The following HSD17B13 variants were observed in gnomAD, a reference collection of about 807,000 sequenced individuals.
HSD17B13 encodes 17-beta-hydroxysteroid dehydrogenase 13.
In HSD17B13, 26 loss-of-function variants were observed where a neutral mutation model predicts 31.1. The observed-to-expected ratio is 0.84, with a 90% CI of 0.61 to 1.16. The LOEUF is 1.16. Among genes scored for constraint, HSD17B13 ranks in the 50% most tolerant of loss-of-function variants. The probability of loss-of-function intolerance (pLI) is 0.00; values close to 1 mark genes in which losing one functional copy is unlikely to be tolerated. For missense variants in HSD17B13, 374 were observed against 366.5 expected (o/e 1.02, Z -0.17); for synonymous variants, 141 against 133.7 (o/e 1.05, Z -0.38).
intron 6 of HSD17B13, among the ~76,000 whole-genome samples, chr4:87,305,670 G>A (rs941082241): frequency 3.3e-5 from 5 of 151,968 alleles, no homozygotes; most frequent in South Asian, 2.1e-4. Context: ...CCGAGATCAC[G>A]CCATTGCACT....
At position 87,315,600 on chromosome 4, in the gene HSD17B13, C is replaced by T; in HGVS notation, c.451-1G>A. ...TCGATGGAAGAAGTGCTTTTGTGAT[C>T]TTAAGGATCATTGCAGAAAGAAGAA... On this transcript the variant is annotated splice_acceptor_variant, in intron 3 of 6. Coordinates refer to ENST00000328546, the MANE Select transcript of HSD17B13 (RefSeq NM_178135.5). LOFTEE classifies it high-confidence loss of function. The T allele has an allele frequency of 6.4e-7, 1 of 1,574,142 alleles. No individual in the cohort carries two copies. Among genetic ancestry groups the T allele is most frequent in the Non-Finnish European group, 8.7e-7 (1 of 1,148,022 alleles).
At chr4:87,314,381 ATT>A in intron 4 of HSD17B13, among the ~76,000 whole-genome samples, 1 of 151,902 alleles carries the variant, frequency 6.6e-6, no homozygotes. Flanking sequence ...GACTCTGCTC[ATT>A]TCTCCTCTCT....
intron 5 of HSD17B13, among the ~76,000 whole-genome samples, chr4:87,312,553 G>C (rs1256773532): frequency 8.4e-6 from 1 of 118,936 alleles, no homozygotes; most frequent in East Asian, 2.4e-4. Flanking sequence ...TTTTTGAGAC[G>C]GAGTCTCGCT....
At chr4:87,322,605 T>C in intron 1 of HSD17B13, 27 bp downstream of exon 1, 1 of 1,459,192 alleles carries the variant, frequency 6.9e-7, no homozygotes, top group Non-Finnish European at 9.6e-7. Context: ...TCTGTGACTT[T>C]AAAAAGTTGG....
At chr4:87,321,595 A>G (rs1734788160) in intron 1 of HSD17B13, among the ~76,000 whole-genome samples, 1 of 152,202 alleles carries the variant, frequency 6.6e-6, no homozygotes, top group South Asian at 2.1e-4. Flanking sequence ...GAATTTCTTC[A>G]AAGACCAAAA....
chr4:87,321,249 T>G (rs543451923), intron 1 of HSD17B13, among the ~76,000 whole-genome samples: 11 of 152,276 alleles, frequency 7.2e-5, no homozygotes, highest in Admixed American at 6.5e-4. Context: ...CAGGCTGGTC[T>G]TGAACTCCTG....
chr4:87,318,240 C>T (rs1734699545), intron 2 of HSD17B13, 89 bp downstream of exon 2: 1 of 941,086 alleles, frequency 1.1e-6, no homozygotes, highest in Non-Finnish European at 1.7e-6. Context: ...CAATTTAAAT[C>T]AGGCAGTCAT....
chr4:87,305,870 C>T (rs758020159), intron 6 of HSD17B13, among the ~76,000 whole-genome samples: 1 of 152,170 alleles, frequency 6.6e-6, no homozygotes, highest in Admixed American at 6.5e-5. Flanking sequence ...GTTCTGATTA[C>T]AGCATCAAGA....
chr4:87,310,579 T>C (rs1734509127), intron 5 of HSD17B13, among the ~76,000 whole-genome samples: 1 of 152,180 alleles, frequency 6.6e-6, no homozygotes, highest in African/African-American at 2.4e-5. Context: ...AGTAGGTGTG[T>C]TTCATAGCTC....
At chr4:87,320,521 G>A (rs186893321) in intron 1 of HSD17B13, among the ~76,000 whole-genome samples, 5,211 of 151,100 alleles carry the variant, frequency 0.034, 321 homozygotes, top group African/African-American at 0.12. Context: ...CGAGTAGCTG[G>A]GACTACAGGC....
At chr4:87,321,038 T>A (rs541641564) in intron 1 of HSD17B13, among the ~76,000 whole-genome samples, 1 of 152,322 alleles carries the variant, frequency 6.6e-6, no homozygotes, top group South Asian at 2.1e-4. Flanking sequence ...AGTCTTTTTT[T>A]ATTTTTTTTG....
intron 1 of HSD17B13, among the ~76,000 whole-genome samples, chr4:87,321,367 T>C (rs192619472): frequency 2.0e-5 from 3 of 152,218 alleles, no homozygotes; most frequent in Admixed American, 2.0e-4. Context: ...TCTAATTTAC[T>C]TTTCTCTTGT....
At position 87,313,807 on chromosome 4, in the gene HSD17B13, T is replaced by A. The variant is rs1473760233; in HGVS notation, c.695+16A>T. ...TATCATACCACATACCCATTCTAAC[T>A]TGATTTTGACCTTACCTTGTGCTTG... is the stretch of plus-strand genomic sequence containing the variant. On this transcript the variant is annotated intron_variant, in intron 5 of 6. Coordinates refer to ENST00000328546, the MANE Select transcript of HSD17B13 (RefSeq NM_178135.5). 1 of 1,608,210 alleles carries A rather than the reference T, an allele frequency of 6.2e-7. No homozygotes were observed. Among genetic ancestry groups the A allele is most frequent in the Non-Finnish European group, 8.5e-7 (1 of 1,176,694 alleles).
chr4:87,308,078 G>A (rs1157272871), intron 6 of HSD17B13, among the ~76,000 whole-genome samples: 2 of 152,180 alleles, frequency 1.3e-5, no homozygotes, highest in African/African-American at 2.4e-5. Flanking sequence ...TTTCCTCTGG[G>A]AAATTGTTGC....
At chr4:87,319,031 A>C (rs1734722535) in intron 1 of HSD17B13, among the ~76,000 whole-genome samples, 1 of 151,756 alleles carries the variant, frequency 6.6e-6, no homozygotes, top group African/African-American at 2.4e-5. Context: ...AAATACAAAA[A>C]ATTAGCTGGG....
Position 87,304,982 on chromosome 4 carries a change from A to G in HSD17B13, c.*236T>C, listed in dbSNP as rs1486529743. ...AAAACCTTTTAAGTATGTTTATGTA[A>G]GCACAGAAGTTTTTAAGAGGCATGA... On this transcript the variant is annotated 3_prime_UTR_variant, in exon 7 of 7. Coordinates refer to ENST00000328546, the MANE Select transcript of HSD17B13 (RefSeq NM_178135.5). 5.3e-6 allele frequency: 2 copies of G among 374,312 alleles called. No individual in the cohort carries two copies. The allele number at this position is 374,312 out of a possible 1,614,324, so 23.2% of individuals were successfully genotyped here.
chr4:87,306,529 G>A (rs759442432), intron 6 of HSD17B13, among the ~76,000 whole-genome samples: 5 of 152,124 alleles, frequency 3.3e-5, no homozygotes, highest in Non-Finnish European at 7.4e-5. Context: ...CTGGAAGGAG[G>A]ATTCACATGG....
At position 87,317,181 on chromosome 4, in the gene HSD17B13, C is replaced by T. The variant is rs1340545567; in HGVS notation, c.361G>A (p.Ala121Thr). The T allele has an allele frequency of 9.9e-6, 16 of 1,613,910 alleles. No individual in the cohort carries two copies. The highest frequency in any genetic ancestry group is 1.4e-5 in the Non-Finnish European group (16 of 1,179,894). Reference protein sequence around the residue: ...VGDVTIVVNNAGTVYPADLLS... With the variant: ...VGDVTIVVNNTGTVYPADLLS... ...AGATCGGCTGGATATACTGTCCCAG[C>T]ATTATTCACCACGATTGTTACATCA... is the stretch of plus-strand genomic sequence containing the variant. The change falls in exon 3 of 7, where the codon GCT (alanine) becomes ACT (threonine). Residue 121 changes from alanine to threonine, a missense_variant. Transcript: ENST00000328546.
intron 1 of HSD17B13, among the ~76,000 whole-genome samples, chr4:87,321,173 G>T (rs1734778641): frequency 6.6e-6 from 1 of 152,108 alleles, no homozygotes; most frequent in African/African-American, 2.4e-5. Flanking sequence ...GGGACTACGG[G>T]TGTGCACCCC....
Sources: allele counts gnomAD v4.1 joint callset (sites outside exome capture counted in the v4.1 genomes callset), GRCh38; gene constraint gnomAD v4.1.1; transcripts MANE v1.5; gene names NCBI Gene and HGNC (gene_info 2026-07-23, HGNC 2026-07-21).